Variants in PCDH15 observed in about 807,000 individuals in gnomAD.
PCDH15 encodes the protein protocadherin-15.
PCDH15 carries 129 observed loss-of-function variants against 178.5 expected under a neutral mutation model. The ratio of observed to expected loss-of-function variants is 0.72; its 90% CI spans 0.63 to 0.84. The LOEUF (loss-of-function observed/expected upper bound fraction) is 0.84, where lower values mean the gene tolerates loss of function less well. Among genes scored for constraint, PCDH15 ranks in the 40% least tolerant of loss-of-function variants. The pLI, the probability that PCDH15 is intolerant of heterozygous loss-of-function variation, is 0.00. For missense variants in PCDH15, 2,230 were observed against 2,099.9 expected, an observed-to-expected ratio of 1.06 and a Z score of -1.21; for synonymous variants, 800 against 732.0, an observed-to-expected ratio of 1.09 and a Z score of -1.50.
intron 2 of PCDH15, among the ~76,000 whole-genome samples, chr10:54,576,126 C>T (rs1930154): frequency 0.94 from 142,393 of 152,150 alleles, 66,910 homozygotes; most frequent in Middle Eastern, 0.98. Flanking sequence ...TATGTATGTA[C>T]GTATGTATCC....
intron 8 of PCDH15, among the ~76,000 whole-genome samples, chr10:54,299,316 T>C (rs2060007088): frequency 7.1e-6 from 1 of 140,576 alleles, no homozygotes; most frequent in Admixed American, 7.1e-5. Flanking sequence ...AAAGAGGGAG[T>C]CAGAAAGAGA....
intron 10 of PCDH15, among the ~76,000 whole-genome samples, chr10:54,202,464 C>T (rs573017833): frequency 1.3e-5 from 2 of 152,176 alleles, no homozygotes; most frequent in Admixed American, 1.3e-4. Flanking sequence ...CCACACAAGG[C>T]AATCATTCTC....
chr10:55,365,948 G>A (rs2131983821), intron 2 of PCDH15: 1 of 152,166 alleles, frequency 6.6e-6, no homozygotes, highest in South Asian at 2.1e-4. Flanking sequence ...AGAAAGAGAA[G>A]GCTTCATCTG....
intron 1 of PCDH15, among the ~76,000 whole-genome samples, chr10:54,670,541 C>A (rs1362317111): frequency 6.6e-6 from 1 of 152,028 alleles, no homozygotes; most frequent in Non-Finnish European, 1.5e-5. Flanking sequence ...TATAATTAAT[C>A]TGCTTATGTT....
chr10:54,568,892 C>G (rs2089411157), intron 2 of PCDH15, among the ~76,000 whole-genome samples: 1 of 151,916 alleles, frequency 6.6e-6, no homozygotes, highest in Admixed American at 6.6e-5. Context: ...CTTAGTAAAC[C>G]TCACAAACCA....
chr10:54,654,119 A>T (rs1214364209), intron 2 of PCDH15, among the ~76,000 whole-genome samples: 3 of 152,206 alleles, frequency 2.0e-5, no homozygotes, highest in Admixed American at 6.5e-5. Context: ...ACTTTTGATC[A>T]ACATCTCCTC....
chr10:55,602,449 A>C (rs1290253340), intron 2 of PCDH15, among the ~76,000 whole-genome samples: 1 of 152,138 alleles, frequency 6.6e-6, no homozygotes, highest in Non-Finnish European at 1.5e-5. Flanking sequence ...ACAGACAAAC[A>C]AAAAGACAGC....
chr10:54,997,506 G>A (rs1839678482), intron 2 of PCDH15, among the ~76,000 whole-genome samples: 1 of 152,104 alleles, frequency 6.6e-6, no homozygotes, highest in African/African-American at 2.4e-5. Context: ...TTTTATATTT[G>A]TCTTTGCTAG....
At position 55,517,978 on chromosome 10, in the gene PCDH15, C is replaced by T. The variant is rs546330385; in HGVS notation, c.-156+109647G>A. On this transcript the variant is annotated intron_variant, in intron 2 of 5. Transcript: ENST00000613346. ...CTAAAGTTACATCCCTAAAATGACCCTAACTCTCCTTAAATATCACCTGAG... is the reference window on the plus strand; with the variant it reads ...CTAAAGTTACATCCCTAAAATGACCTTAACTCTCCTTAAATATCACCTGAG... Among the ~76,000 whole-genome samples the T allele has an allele frequency of 5.3e-5, 8 of 152,240 alleles. No individual in the cohort carries two copies. The South Asian group carries it at 1.7e-3, about 32-fold the overall frequency.
rs140273411 is a variant in PCDH15 at position 53,878,215 on chromosome 10, A to AATATATAT, written c.3502-11366_3502-11359dup. ...CACACACACACACACACACACTTTG[A>AATATATAT]ATATATATATATATATATATATATA... On this transcript the variant is annotated intron_variant, in intron 26 of 37. Coordinates refer to ENST00000644397, the MANE Select transcript of PCDH15 (RefSeq NM_001384140.1). Among the ~76,000 whole-genome samples the AATATATAT allele has an allele frequency of 2.6e-3, 336 of 127,396 alleles. No homozygotes were observed. The East Asian group carries it at 0.03, about 11-fold the overall frequency. The allele number at this position is 127,396 out of a possible 152,430, so 83.6% of individuals were successfully genotyped here.
chr10:54,335,932 T>A (rs906685570), intron 6 of PCDH15, among the ~76,000 whole-genome samples: 1 of 152,126 alleles, frequency 6.6e-6, no homozygotes, highest in Non-Finnish European at 1.5e-5. Context: ...GACTTTTTCA[T>A]TGGCTTTGAC....
At chr10:54,458,306 T>C (rs900390830) in intron 3 of PCDH15, among the ~76,000 whole-genome samples, 1 of 152,074 alleles carries the variant, frequency 6.6e-6, no homozygotes, top group African/African-American at 2.4e-5. Context: ...TCTTAAAAAT[T>C]TTCCAATATG....
At chr10:55,377,235 T>G (rs1378529396) in intron 2 of PCDH15, among the ~76,000 whole-genome samples, 4 of 151,562 alleles carry the variant, frequency 2.6e-5, no homozygotes, top group Non-Finnish European at 5.9e-5. Flanking sequence ...TATTTTAAGT[T>G]ACAACAAAAA....
In PCDH15 at chr10:53,896,201, A is replaced by G. The variant is rs2081938027; in HGVS notation, c.3501+7042T>C. Among the ~76,000 whole-genome samples the G allele has an allele frequency of 2.0e-5, 3 of 152,138 alleles. No homozygotes were observed. The South Asian group carries it at 6.2e-4, about 32-fold the overall frequency. ...TCAGAAAAATAATAATGACAAATAA[A>G]CCACAGTTATTATTATGAATTAGGG... On this transcript the variant is annotated intron_variant, in intron 26 of 37. Transcript: ENST00000644397.
chr10:55,198,672 T>C (rs2132155784), intron 1 of PCDH15, among the ~76,000 whole-genome samples: 1 of 151,358 alleles, frequency 6.6e-6, no homozygotes, highest in East Asian at 2.0e-4. Context: ...TTTTTTTGTA[T>C]TTTTAGTAGA....
chr10:54,800,113 A>G (rs1952509504), intron 1 of PCDH15, among the ~76,000 whole-genome samples: 1 of 152,142 alleles, frequency 6.6e-6, no homozygotes, highest in Admixed American at 6.6e-5. Context: ...GGCTTTCTGC[A>G]TACGTGCTAC....
At chr10:54,779,662 G>C (rs1200120357) in intron 1 of PCDH15, among the ~76,000 whole-genome samples, 2 of 151,398 alleles carry the variant, frequency 1.3e-5, no homozygotes, top group African/African-American at 4.8e-5. Flanking sequence ...ACACAGCAGA[G>C]AGTTAGCAGG....
chr10:55,381,191 C>T (rs1016189610), intron 2 of PCDH15, among the ~76,000 whole-genome samples: 3 of 152,230 alleles, frequency 2.0e-5, no homozygotes, highest in Middle Eastern at 3.4e-3. Flanking sequence ...AGCCCATTAT[C>T]ACAAAAGGCA....
At position 53,888,702 on chromosome 10, in the gene PCDH15, T is replaced by TATATATATATATAAA. The variant is rs1554845542; in HGVS notation, c.3501+14540_3501+14541insTTTATATATATATAT. 3.0e-4 allele frequency among the ~76,000 whole-genome samples: 14 copies of TATATATATATATAAA among 46,200 alleles called. 3 individuals carry two copies. Among genetic ancestry groups the TATATATATATATAAA allele is most frequent in the East Asian group, 1.1e-3 (1 of 950 alleles). 30.3% of individuals were successfully genotyped at this position (46,200 alleles called of 152,430 possible). ...ATATATATATATATATATATATATA[T>TATATATATATATAAA]ATCTCCTGTGGAAATTGATAAGCTG... On this transcript the variant is annotated intron_variant, in intron 26 of 37. Coordinates refer to ENST00000644397, the MANE Select transcript of PCDH15 (RefSeq NM_001384140.1).
Sources: gnomAD v4.1 joint callset for allele counts (sites outside exome capture counted in the v4.1 genomes callset) on GRCh38, gnomAD v4.1.1 for gene constraint, MANE v1.5 for transcripts, NCBI Gene and HGNC (gene_info 2026-07-23, HGNC 2026-07-21) for gene names.